Variants in EXT1 observed in about 807,000 individuals in gnomAD.
EXT1 encodes exostosin glycosyltransferase 1.
Under a neutral mutation model 82.5 loss-of-function variants are expected in EXT1, and 20 were observed. The observed-to-expected ratio is 0.24, with a 90% CI of 0.17 to 0.35. The LOEUF is 0.35. Among genes scored for constraint, EXT1 ranks in the 10% least tolerant of loss-of-function variants. EXT1 has a pLI of 1.00. For synonymous variants in EXT1, 348 were observed against 350.8 expected (o/e 0.99, Z 0.09); for missense variants, 757 against 936.5 (o/e 0.81, Z 2.50).
intron 1 of EXT1, among the ~76,000 whole-genome samples, chr8:118,006,168 C>T (rs1815770792): frequency 1.3e-5 from 2 of 152,168 alleles, no homozygotes; most frequent in Admixed American, 1.3e-4. Context: ...GCCCATGGTC[C>T]CAGACCAGTC....
At chr8:117,868,908 A>G (rs931178910) in intron 1 of EXT1, among the ~76,000 whole-genome samples, 16 of 152,170 alleles carry the variant, frequency 1.1e-4, no homozygotes, top group African/African-American at 3.9e-4. Context: ...CTGCCAGGCC[A>G]CATTAATGCT....
chr8:117,822,394 A>C (rs1486415445), intron 5 of EXT1, 71 bp downstream of exon 5: 42 of 1,541,826 alleles, frequency 2.7e-5, no homozygotes, highest in Non-Finnish European at 3.4e-5. Context: ...GAGTAGAAGA[A>C]TAAAGGCCTT....
At chr8:118,092,697 C>A (rs1158653446) in intron 1 of EXT1, among the ~76,000 whole-genome samples, 3 of 152,218 alleles carry the variant, frequency 2.0e-5, no homozygotes. Context: ...GAAATCAACT[C>A]TTAGATTACC....
At chr8:117,945,898 T>C (rs2129683525) in intron 1 of EXT1, among the ~76,000 whole-genome samples, 1 of 152,220 alleles carries the variant, frequency 6.6e-6, no homozygotes, top group South Asian at 2.1e-4. Context: ...TATTATGTTT[T>C]GTTTTTGTTT....
intron 1 of EXT1, among the ~76,000 whole-genome samples, chr8:118,027,994 T>C (rs1308302811): frequency 1.3e-5 from 2 of 152,206 alleles, no homozygotes; most frequent in African/African-American, 4.8e-5. Context: ...AGTTACTAAA[T>C]GAATTACAGT....
At chr8:117,922,983 A>G in intron 1 of EXT1, among the ~76,000 whole-genome samples, 1 of 152,152 alleles carries the variant, frequency 6.6e-6, no homozygotes, top group East Asian at 1.9e-4. Context: ...AGATATAAGA[A>G]GCAGGAGGAT....
At chr8:117,928,289 G>A (rs959055287) in intron 1 of EXT1, among the ~76,000 whole-genome samples, 1 of 152,214 alleles carries the variant, frequency 6.6e-6, no homozygotes, top group Non-Finnish European at 1.5e-5. Context: ...TGAGTGTGAT[G>A]AACTAGGGTG....
At chr8:118,019,125 A>G (rs1307647148) in intron 1 of EXT1, among the ~76,000 whole-genome samples, 1 of 152,188 alleles carries the variant, frequency 6.6e-6, no homozygotes, top group Admixed American at 6.5e-5. Context: ...CAGGCACAAA[A>G]TAAGTTGGTA....
intron 1 of EXT1, among the ~76,000 whole-genome samples, chr8:118,045,568 A>C (rs1363803631): frequency 6.6e-6 from 1 of 152,032 alleles, no homozygotes; most frequent in African/African-American, 2.4e-5. Flanking sequence ...CTTTACCCAA[A>C]ACCTAATTCA....
At chr8:117,814,040 G>T (rs1294205391) in intron 7 of EXT1, among the ~76,000 whole-genome samples, 2 of 150,724 alleles carry the variant, frequency 1.3e-5, no homozygotes, top group East Asian at 3.9e-4. Context: ...GAAGAAGAAA[G>T]AAGAAGGAGG....
At chr8:117,947,032 T>A (rs1227480487) in intron 1 of EXT1, among the ~76,000 whole-genome samples, 1 of 152,206 alleles carries the variant, frequency 6.6e-6, no homozygotes, top group Non-Finnish European at 1.5e-5. Context: ...CTCCTAAGCC[T>A]GAGGCAGAGA....
At chr8:118,041,904 C>T (rs545556647) in intron 1 of EXT1, among the ~76,000 whole-genome samples, 8 of 149,716 alleles carry the variant, frequency 5.3e-5, no homozygotes, top group East Asian at 4.0e-4. Context: ...GCTGAGATCA[C>T]GCCACTGCAT....
At chr8:117,839,005 A>G (rs1812230521) in intron 1 of EXT1, among the ~76,000 whole-genome samples, 1 of 152,212 alleles carries the variant, frequency 6.6e-6, no homozygotes, top group Non-Finnish European at 1.5e-5. Context: ...TCCTAGTTGC[A>G]GAATTTACTT....
chr8:118,077,994 G>A (rs759921149), intron 1 of EXT1, among the ~76,000 whole-genome samples: 1 of 152,036 alleles, frequency 6.6e-6, no homozygotes, highest in Non-Finnish European at 1.5e-5. Flanking sequence ...ATCATATTTT[G>A]TATTTCTTTA....
At chr8:117,856,422 A>ATTTTTTTTT (rs951647677) in intron 1 of EXT1, among the ~76,000 whole-genome samples, 2 of 83,764 alleles carry the variant, frequency 2.4e-5, no homozygotes, top group Non-Finnish European at 4.5e-5. Context: ...GCCTGGCTAA[A>ATTTTTTTTT]TTTTTTTTTT....
At chr8:117,997,245 C>CTATATA (rs67974546) in intron 1 of EXT1, among the ~76,000 whole-genome samples, 1 of 136,254 alleles carries the variant, frequency 7.3e-6, no homozygotes, top group Non-Finnish European at 1.6e-5. Flanking sequence ...AGTTGTCATA[C>CTATATA]TATATATATA....
chr8:117,968,355 A>G (rs1814864916), intron 1 of EXT1, among the ~76,000 whole-genome samples: 1 of 152,050 alleles, frequency 6.6e-6, no homozygotes. Context: ...CCTGGGCTCA[A>G]GCAATCCTCC....
chr8:117,959,305 C>T (rs1471514357), intron 1 of EXT1, among the ~76,000 whole-genome samples: 1 of 152,214 alleles, frequency 6.6e-6, no homozygotes, highest in African/African-American at 2.4e-5. Flanking sequence ...AAGGCCGGCC[C>T]TGATCAAGCT....
At position 117,818,475 on chromosome 8, in the gene EXT1, G is replaced by T. The variant is rs1328220647; in HGVS notation, c.1592C>A (p.Ala531Asp). 6.2e-7 allele frequency: 1 copy of T among 1,614,158 alleles called. No homozygotes were observed. The highest frequency in any genetic ancestry group is 8.5e-7 in the Non-Finnish European group (1 of 1,180,022). Residue 531 changes from alanine (A) to aspartate (D), a missense_variant, in exon 7 of 11, where the codon GCC (alanine) becomes GAC (aspartate). Ala to Asp is a moderately radical substitution (Grantham distance 126). Around this residue, in one of 4 missense-constraint regions of EXT1, gnomAD observed 207 missense variants for 224.2 expected, o/e 0.92. Coordinates refer to ENST00000378204, the MANE Select transcript of EXT1 (RefSeq NM_000127.3). ...KPLPAKHRWP[A>D]TAVPVVVIEG... ...AATGACGACGACAGGCACAGCAGTG[G>T]CAGGCCAGCGGTGTTTGGCTGGTAG...
Sources: gnomAD v4.1 joint callset for allele counts (sites outside exome capture counted in the v4.1 genomes callset) on GRCh38, gnomAD v4.1.1 for gene constraint, gnomAD v4.1.1 regional missense constraint, MANE v1.5 for transcripts, NCBI Gene and HGNC (gene_info 2026-07-23, HGNC 2026-07-21) for gene names.